CLVS1: variants seen among roughly 807,000 people sequenced by gnomAD.
CLVS1 encodes clavesin 1, also known as clavesin-1.
Under a neutral mutation model 33.1 loss-of-function variants are expected in CLVS1, and 10 were observed. That is an observed-to-expected ratio of 0.30 (90% confidence interval 0.19 to 0.51). CLVS1 has a LOEUF of 0.51. Ranked by LOEUF, CLVS1 falls within the 20% of genes least tolerant of loss-of-function variation. The pLI, the probability that CLVS1 is intolerant of heterozygous loss-of-function variation, is 0.97. For missense variants in CLVS1, 343 were observed against 433.4 expected (o/e 0.79, Z 1.85); for synonymous variants, 163 against 166.1 (o/e 0.98, Z 0.14).
rs751932640 is a variant in CLVS1 at position 61,498,068 on chromosome 8, A to AAGG, written c.978-1387_978-1386insAGG. On this transcript the variant is annotated intron_variant, in intron 5 of 5. Transcript: ENST00000325897. Reference sequence around the variant, plus strand: ...TGCTAACCTCCTATCTCATTCTGTGACTAAGAATGCCTTAACCTTCTGGGA... The same window carrying AAGG: ...TGCTAACCTCCTATCTCATTCTGTGAAGGCTAAGAATGCCTTAACCTTCTGGGA... Among the ~76,000 whole-genome samples the AAGG allele has an allele frequency of 3.4e-3, 512 of 152,258 alleles. 7 individuals carry two copies. Among genetic ancestry groups the AAGG allele is most frequent in the Non-Finnish European group, 3.2e-3 (220 of 68,020 alleles).
At chr8:61,461,564 C>A (rs1369535835) in intron 5 of CLVS1, among the ~76,000 whole-genome samples, 4 of 152,066 alleles carry the variant, frequency 2.6e-5, no homozygotes, top group African/African-American at 9.7e-5. Context: ...TTGTGAAGAC[C>A]CCTCATAGAC....
chr8:61,403,691 T>C (rs1814860389), intron 3 of CLVS1, among the ~76,000 whole-genome samples: 1 of 152,102 alleles, frequency 6.6e-6, no homozygotes, highest in Non-Finnish European at 1.5e-5. Context: ...AGACTTCAGG[T>C]AAAAATGACT....
intron 2 of CLVS1, among the ~76,000 whole-genome samples, chr8:61,255,811 T>C (rs1443308725): frequency 6.6e-6 from 1 of 152,210 alleles, no homozygotes; most frequent in Non-Finnish European, 1.5e-5. Context: ...TAGGCCTTAC[T>C]GAATGAGGAG....
chr8:61,300,269 T>A lies in CLVS1; in HGVS notation c.442T>A (p.Trp148Arg). Reference sequence around the variant, plus strand: ...GATTCTTTTGCTGTTTGCAGCCAATTGGGATCAGAGTAGGTAAATGTAGAT... The same window carrying A: ...GATTCTTTTGCTGTTTGCAGCCAATAGGGATCAGAGTAGGTAAATGTAGAT... Reference protein sequence around the residue: ...RKILLLFAANWDQSRNSFTDI... With the variant: ...RKILLLFAANRDQSRNSFTDI... Residue 148 changes from tryptophan (W) to arginine (R), a missense_variant, in exon 2 of 6, where the codon TGG (tryptophan) becomes AGG (arginine). By Grantham distance (101) the Trp-to-Arg change is moderately radical. Transcript: ENST00000325897. 6.2e-7 allele frequency: 1 copy of A among 1,613,484 alleles called. No homozygotes were observed. Among genetic ancestry groups the A allele is most frequent in the Non-Finnish European group, 8.5e-7 (1 of 1,179,708 alleles).
At chr8:61,090,746 C>A (rs550343506) in intron 1 of CLVS1, 1 of 415,732 alleles carries the variant, frequency 2.4e-6, no homozygotes, top group African/African-American at 2.1e-5. Flanking sequence ...GAGCATAAAA[C>A]TTGTTTCCTA....
chr8:61,475,624 T>C, intron 5 of CLVS1, among the ~76,000 whole-genome samples: 2 of 152,118 alleles, frequency 1.3e-5, no homozygotes, highest in East Asian at 1.9e-4. Context: ...ATATCCTTTG[T>C]CCACTTTTTG....
chr8:61,482,533 C>G (rs1352075007), intron 5 of CLVS1, among the ~76,000 whole-genome samples: 1 of 152,122 alleles, frequency 6.6e-6, no homozygotes, highest in Non-Finnish European at 1.5e-5. Flanking sequence ...AGCTGAAAAC[C>G]ATGGCACAAG....
At chr8:61,082,781 A>G (rs1277983244) in intron 1 of CLVS1, among the ~76,000 whole-genome samples, 1 of 152,160 alleles carries the variant, frequency 6.6e-6, no homozygotes, top group East Asian at 1.9e-4. Context: ...GCAGTTGCTC[A>G]TGCCTGTAAT....
intron 2 of CLVS1, among the ~76,000 whole-genome samples, chr8:61,232,762 C>CAACT (rs1199867438): frequency 6.6e-6 from 1 of 152,162 alleles, no homozygotes; most frequent in Non-Finnish European, 1.5e-5. Flanking sequence ...GTTACCTTGG[C>CAACT]AACTGTCTGA....
intron 1 of CLVS1, among the ~76,000 whole-genome samples, chr8:61,103,945 C>G (rs1030435504): frequency 3.3e-5 from 5 of 152,216 alleles, no homozygotes; most frequent in African/African-American, 1.2e-4. Context: ...TAACAAAACA[C>G]TAACTACAAA....
At chr8:61,386,821 A>G (rs904821014) in intron 3 of CLVS1, among the ~76,000 whole-genome samples, 1 of 151,986 alleles carries the variant, frequency 6.6e-6, no homozygotes, top group East Asian at 1.9e-4. Flanking sequence ...CACTTAAAAT[A>G]CTTTCACAAA....
chr8:61,252,484 G>A (rs1228268396), intron 2 of CLVS1, among the ~76,000 whole-genome samples: 1 of 152,130 alleles, frequency 6.6e-6, no homozygotes, highest in East Asian at 1.9e-4. Context: ...TTAATTTTCT[G>A]TCTCATTGAT....
chr8:61,409,821 C>A (rs941854502), intron 3 of CLVS1, among the ~76,000 whole-genome samples: 4 of 152,078 alleles, frequency 2.6e-5, no homozygotes, highest in African/African-American at 9.7e-5. Context: ...TTTTTGACAA[C>A]CTGATAGATG....
chr8:60,998,565 G>A, the CLVS1 span, among the ~76,000 whole-genome samples: 1 of 152,152 alleles, frequency 6.6e-6, no homozygotes, highest in Admixed American at 6.5e-5. Context: ...TTCCTGCTGA[G>A]CTTGGGGGTA....
At chr8:61,035,179 TC>T in the CLVS1 span, among the ~76,000 whole-genome samples, 13 of 94,060 alleles carry the variant, frequency 1.4e-4, no homozygotes, top group South Asian at 6.5e-4. Context: ...TCTTTTCTTT[TC>T]TTTTTTCTTT....
rs555849374 is a variant in CLVS1 at position 61,390,220 on chromosome 8, G to A, written c.630+13441G>A. On this transcript the variant is annotated intron_variant, in intron 3 of 5. Transcript: ENST00000325897. ...TCAGAAATAAACATTTTAAACCTGG[G>A]CATCTGCTCTTTTCACTTTACAGTA... is the stretch of plus-strand genomic sequence containing the variant. Among the ~76,000 whole-genome samples the A allele has an allele frequency of 2.6e-5, 4 of 152,192 alleles. No individual in the cohort carries two copies. In the East Asian group the frequency reaches 7.7e-4, roughly 29 times the overall value.
At chr8:61,383,414 A>T (rs1813962071) in intron 3 of CLVS1, among the ~76,000 whole-genome samples, 1 of 152,202 alleles carries the variant, frequency 6.6e-6, no homozygotes, top group South Asian at 2.1e-4. Context: ...TACAGTTTTC[A>T]TGTATTAAAG....
At chr8:61,293,249 C>T (rs554641518) in intron 1 of CLVS1, among the ~76,000 whole-genome samples, 1 of 152,288 alleles carries the variant, frequency 6.6e-6, no homozygotes, top group Admixed American at 6.5e-5. Flanking sequence ...TCCTTGTAGA[C>T]TACTCTCCCT....
At chr8:61,132,297 C>T (rs568151237) in intron 2 of CLVS1, among the ~76,000 whole-genome samples, 7 of 152,174 alleles carry the variant, frequency 4.6e-5, no homozygotes, top group Admixed American at 1.3e-4. Context: ...TGGTGAAAAC[C>T]GATGCTGGGG....
Sources: allele counts gnomAD v4.1 joint callset (sites outside exome capture counted in the v4.1 genomes callset), GRCh38; gene constraint gnomAD v4.1.1; transcripts MANE v1.5; gene names NCBI Gene and HGNC (gene_info 2026-07-23, HGNC 2026-07-21).